Variants in MOXD1 observed in about 807,000 individuals in gnomAD.
The protein encoded by MOXD1 is DBH-like monooxygenase protein 1.
MOXD1 carries 62 observed loss-of-function variants against 66.6 expected under a neutral mutation model. The ratio of observed to expected loss-of-function variants is 0.93; its 90% confidence interval spans 0.76 to 1.15. The LOEUF is 1.15. MOXD1 is among the 50% of genes most tolerant of loss of function. MOXD1 has a pLI of 0.00. For synonymous variants in MOXD1, 303 were observed against 281.9 expected (o/e 1.07, Z -0.75); for missense variants, 847 against 754.6 (o/e 1.12, Z -1.44).
chr6:132,333,059 G>A (rs371124821), intron 4 of MOXD1, among the ~76,000 whole-genome samples: 18 of 152,202 alleles, frequency 1.2e-4, no homozygotes, highest in East Asian at 1.9e-4. Flanking sequence ...AGGCTGGGCC[G>A]GGCGCTGTGG....
intron 10 of MOXD1, among the ~76,000 whole-genome samples, chr6:132,306,765 C>A (rs1343954104): frequency 6.6e-6 from 1 of 152,144 alleles, no homozygotes; most frequent in Non-Finnish European, 1.5e-5. Context: ...CAAAACTAAG[C>A]TTTTTAAGTG....
intron 6 of MOXD1, among the ~76,000 whole-genome samples, chr6:132,327,267 G>C (rs1775209891): frequency 6.6e-6 from 1 of 152,166 alleles, no homozygotes; most frequent in Admixed American, 6.5e-5. Context: ...TCATATGATT[G>C]CTATGAAAAA....
chr6:132,304,135 G>T (rs1774634251), intron 10 of MOXD1, among the ~76,000 whole-genome samples: 1 of 151,712 alleles, frequency 6.6e-6, no homozygotes, highest in African/African-American at 2.4e-5. Flanking sequence ...GGGGCCTTGA[G>T]GAGGTGATTA....
chr6:132,338,716 A>G (rs556397939), intron 4 of MOXD1, among the ~76,000 whole-genome samples: 272 of 152,306 alleles, frequency 1.8e-3, no homozygotes, highest in Non-Finnish European at 2.9e-3. Context: ...TTTGGAACAC[A>G]TTTTATTGGG....
chr6:132,381,241 C>T (rs1465827388), intron 1 of MOXD1, among the ~76,000 whole-genome samples: 1 of 152,090 alleles, frequency 6.6e-6, no homozygotes, highest in African/African-American at 2.4e-5. Flanking sequence ...ACACAAGAAC[C>T]TATCATCTGA....
Position 132,328,082 on chromosome 6 carries a change from G to A in MOXD1, c.877C>T (p.Leu293Phe). The A allele has an allele frequency of 1.9e-6, 3 of 1,613,864 alleles. No individual in the cohort carries two copies. The highest frequency in any genetic ancestry group is 2.5e-6 in the Non-Finnish European group (3 of 1,179,840). ...FSYPPHVGLS[L>F]GTPLDPHYVL... is the part of the protein sequence containing the mutation. ...TAATGCGGATCTAATGGAGTGCCAA[G>A]GGATAATCCAACATGAGGTGGATAA... Residue 293 changes from leucine (L) to phenylalanine (F), a missense_variant, in exon 6 of 12, where the codon CTT (leucine) becomes TTT (phenylalanine). Physicochemically the swap from Leu to Phe is conservative, Grantham distance 22. Transcript: ENST00000367963.
intron 10 of MOXD1, among the ~76,000 whole-genome samples, chr6:132,310,642 T>C (rs527360041): frequency 6.6e-6 from 1 of 152,216 alleles, no homozygotes; most frequent in Non-Finnish European, 1.5e-5. Flanking sequence ...GTGGTACATA[T>C]ACACTATGGA....
intron 4 of MOXD1, 90 bp from the exon 5 acceptor site, chr6:132,328,684 T>C (rs1775247070): frequency 8.2e-7 from 1 of 1,221,778 alleles, no homozygotes; most frequent in Non-Finnish European, 1.1e-6. Context: ...TAAATTACTG[T>C]CAGTTTCTCA....
In MOXD1 at chr6:132,328,430, C is replaced by T. The variant is rs1775236231; in HGVS notation, c.828G>A (p.Trp276Ter). ...FLTCETVIFA[W>*]AIGGEGFSYP... is the part of the protein sequence containing the mutation. ...TTAGCCCCACCTCTCCACCAATAGC[C>T]CAGGCAAAAATCACAGTTTCACAGG... is the stretch of plus-strand genomic sequence containing the variant. Residue 276 changes from tryptophan (W) to a stop codon, truncating the protein, a stop_gained, in exon 5 of 12, where the codon TGG becomes TGA. Coordinates refer to ENST00000367963, the MANE Select transcript of MOXD1 (RefSeq NM_015529.4). LOFTEE classifies it high-confidence loss of function. The T allele has an allele frequency of 6.2e-7, 1 of 1,613,928 alleles. No individual in the cohort carries two copies. The highest frequency in any genetic ancestry group is 8.5e-7 in the Non-Finnish European group (1 of 1,180,008).
chr6:132,356,195 C>T (rs1775907371), intron 4 of MOXD1, among the ~76,000 whole-genome samples: 2 of 152,164 alleles, frequency 1.3e-5, no homozygotes, highest in South Asian at 2.1e-4. Flanking sequence ...GAGTTTTATA[C>T]TGTTTGTGCA....
intron 1 of MOXD1, chr6:132,390,565 A>G (rs1257453091): frequency 6.6e-6 from 1 of 151,620 alleles, no homozygotes; most frequent in Non-Finnish European, 1.5e-5. Flanking sequence ...ATCTCATTCA[A>G]TGTTGTGTCC....
intron 9 of MOXD1, 63 bp downstream of exon 9, chr6:132,320,566 T>C: frequency 2.2e-6 from 3 of 1,387,474 alleles, no homozygotes; most frequent in South Asian, 2.7e-5. Context: ...CTTTTTCTTC[T>C]AAAATCAAGT....
At chr6:132,322,328 C>G (rs1775093047) in intron 8 of MOXD1, among the ~76,000 whole-genome samples, 1 of 152,098 alleles carries the variant, frequency 6.6e-6, no homozygotes, top group African/African-American at 2.4e-5. Context: ...ATAAAGACAC[C>G]TCTATTTTAC....
intron 4 of MOXD1, among the ~76,000 whole-genome samples, chr6:132,345,128 A>G (rs948142513): frequency 6.6e-6 from 1 of 152,210 alleles, no homozygotes. Context: ...GCAAAGTGGC[A>G]TCGAAAAACA....
Position 132,401,228 on chromosome 6 carries a change from TG to T in MOXD1, c.198del (p.Thr67ProfsTer32). 6.3e-7 allele frequency: 1 copy of T among 1,579,122 alleles called. No individual in the cohort carries two copies. Among genetic ancestry groups the T allele is most frequent in the Non-Finnish European group, 8.5e-7 (1 of 1,170,792 alleles). ...ATGTCGGCGGACGCCATGGCCCCGG[TG>T]GGCGAGAAGCCGAAGCCCACGTAGC... Reference protein sequence around the residue: ...TAGYVGFGFSPTGAMASADIV... With the variant: ...TAGYVGFGFSXTGAMASADIV... On this transcript the variant is annotated frameshift_variant, in exon 1 of 12. Transcript: ENST00000367963. LOFTEE classifies it high-confidence loss of function.
At chr6:132,327,717 A>C (rs1465236388) in intron 6 of MOXD1, among the ~76,000 whole-genome samples, 1 of 152,210 alleles carries the variant, frequency 6.6e-6, no homozygotes, top group Non-Finnish European at 1.5e-5. Flanking sequence ...TCTACATCAC[A>C]AAGGAAAAGT....
At chr6:132,344,849 C>T (rs1775637774) in intron 4 of MOXD1, among the ~76,000 whole-genome samples, 1 of 152,166 alleles carries the variant, frequency 6.6e-6, no homozygotes, top group African/African-American at 2.4e-5. Context: ...TCGTGTCTCA[C>T]TCTCTGCTGA....
At chr6:132,361,409 CAT>C (rs1431093413) in intron 4 of MOXD1, among the ~76,000 whole-genome samples, 2 of 151,644 alleles carry the variant, frequency 1.3e-5, no homozygotes, top group Non-Finnish European at 2.9e-5. Flanking sequence ...ATGCAACTAA[CAT>C]AGTATATTTC....
rs75657985 is a variant in MOXD1 at position 132,331,772 on chromosome 6, G to C, written c.664-3178C>G. Among the ~76,000 whole-genome samples, 1,076 of 152,290 alleles carry C rather than the reference G, an allele frequency of 7.1e-3. 9 individuals are homozygous for C. The highest frequency in any genetic ancestry group is 0.024 in the African/African-American group (994 of 41,548). On this transcript the variant is annotated intron_variant, in intron 4 of 11. Transcript: ENST00000367963. Reference sequence around the variant, plus strand: ...GGTGATGGGATTTTAAACCAGGCTAGTGTGACCCCAAAGTCTGTACTTTCC... The same window carrying C: ...GGTGATGGGATTTTAAACCAGGCTACTGTGACCCCAAAGTCTGTACTTTCC...
Sources: gnomAD v4.1 joint callset for allele counts (sites outside exome capture counted in the v4.1 genomes callset) on GRCh38, gnomAD v4.1.1 for gene constraint, MANE v1.5 for transcripts, NCBI Gene and HGNC (gene_info 2026-07-23, HGNC 2026-07-21) for gene names.